Variants in PIEZO2 observed in about 807,000 individuals in gnomAD.
The protein encoded by PIEZO2 is piezo-type mechanosensitive ion channel component 2.
In PIEZO2, 172 loss-of-function variants were observed where a neutral mutation model predicts 337.3. The observed-to-expected ratio is 0.51, with a 90% CI of 0.45 to 0.58. PIEZO2 has a LOEUF of 0.58. PIEZO2 is among the 20% of genes least tolerant of loss of function. The pLI, the probability that PIEZO2 is intolerant of heterozygous loss-of-function variation, is 0.00. For missense variants in PIEZO2, 3,028 were observed against 3,391.3 expected (o/e 0.89, Z 2.66); for synonymous variants, 1,251 against 1,228.5 (o/e 1.02, Z -0.38).
intron 3 of PIEZO2, among the ~76,000 whole-genome samples, chr18:10,937,951 G>A (rs753349986): frequency 6.6e-5 from 10 of 152,202 alleles, no homozygotes; most frequent in Non-Finnish European, 1.3e-4. Flanking sequence ...TTCAGAGAAC[G>A]GAGTAGAGAT....
chr18:11,065,549 G>A (rs868120033), intron 2 of PIEZO2, among the ~76,000 whole-genome samples: 1 of 152,180 alleles, frequency 6.6e-6, no homozygotes, highest in African/African-American at 2.4e-5. Context: ...TTCTTATAGA[G>A]TAACCAGAAT....
rs1251238740 is a variant in PIEZO2, at chr18:11,099,098, C to G, written c.65-32876G>C. Among the ~76,000 whole-genome samples the G allele has an allele frequency of 6.6e-6, 1 of 152,076 alleles. No individual in the cohort carries two copies. Among genetic ancestry groups the G allele is most frequent in the Non-Finnish European group, 1.5e-5 (1 of 68,012 alleles). ...GGATTACAGGCATCAGCCACTGCAC[C>G]TGGCCTTTTAAAAAGACTGCAGATT... On this transcript the variant is annotated intron_variant, in intron 1 of 55. Coordinates refer to ENST00000674853, the MANE Select transcript of PIEZO2 (RefSeq NM_001378183.1). This position sits in a 1 kb window ranked among gnomAD's most constrained non-coding sequence, Gnocchi z 5.4.
rs886125617 is a variant in PIEZO2 at position 10,741,018 on chromosome 18, C to T, written c.4708+13G>A. ...AGAGTCGATGAGGTTGTAAGGGGATCGAGAAAACCTACTGGAAGCATGATC... is the reference window on the plus strand; with the variant it reads ...AGAGTCGATGAGGTTGTAAGGGGATTGAGAAAACCTACTGGAAGCATGATC... On this transcript the variant is annotated intron_variant, in intron 33 of 55. Coordinates refer to ENST00000674853, the MANE Select transcript of PIEZO2 (RefSeq NM_001378183.1). 6 of 1,535,630 alleles carry T rather than the reference C, an allele frequency of 3.9e-6. No homozygotes were observed. Among genetic ancestry groups the T allele is most frequent in the East Asian group, 4.9e-5 (2 of 40,900 alleles).
chr18:10,903,047 C>T lies in PIEZO2; in HGVS notation c.329+8139G>A, dbSNP rs1484440735. 6.6e-6 allele frequency among the ~76,000 whole-genome samples: 1 copy of T among 152,160 alleles called. No individual in the cohort carries two copies. Among genetic ancestry groups the T allele is most frequent in the Non-Finnish European group, 1.5e-5 (1 of 68,030 alleles). On this transcript the variant is annotated intron_variant, in intron 4 of 55. Coordinates refer to ENST00000674853, the MANE Select transcript of PIEZO2 (RefSeq NM_001378183.1). The surrounding 1 kb of genome is among the most constrained non-coding windows in gnomAD (Gnocchi z 4.1). ...GCCTTTCCAGGCTGCCCCGGGGAGA[C>T]AGCAGCTATGGGGAGGCACCAACCC...
At position 10,795,351 on chromosome 18, in the gene PIEZO2, A is replaced by T. The variant is rs1043088924; in HGVS notation, c.1528-349T>A. Among the ~76,000 whole-genome samples, 114 of 20,390 alleles carry T rather than the reference A, an allele frequency of 5.6e-3. No homozygotes were observed. Among genetic ancestry groups the T allele is most frequent in the Non-Finnish European group, 7.4e-3 (65 of 8,816 alleles). The allele number at this position is 20,390 out of a possible 152,430, so 13.4% of individuals were successfully genotyped here. A position where few individuals can be genotyped will look rare whatever the true frequency, so the allele number is the denominator to read the frequency against. On this transcript the variant is annotated intron_variant, in intron 12 of 55. Transcript: ENST00000674853. This position sits in a 1 kb window ranked among gnomAD's most constrained non-coding sequence, Gnocchi z 4.4. ...ATTTTATTTTATTTTATTTTATTTTATTATTTTATTTTATTTTATTTTATT... is the reference window on the plus strand; with the variant it reads ...ATTTTATTTTATTTTATTTTATTTTTTTATTTTATTTTATTTTATTTTATT...
intron 2 of PIEZO2, among the ~76,000 whole-genome samples, chr18:10,983,896 A>G (rs1326710560): frequency 6.6e-6 from 1 of 152,142 alleles, no homozygotes; most frequent in Non-Finnish European, 1.5e-5. Flanking sequence ...AGGGAATATA[A>G]ATTGAATGCT....
chr18:10,906,911 G>T (rs1300408068), intron 4 of PIEZO2, among the ~76,000 whole-genome samples: 1 of 152,040 alleles, frequency 6.6e-6, no homozygotes, highest in African/African-American at 2.4e-5. Flanking sequence ...GCCCATGGCC[G>T]TGTGGTGCCT....
chr18:10,771,171 G>GCTTA (rs1403233099), intron 20 of PIEZO2, among the ~76,000 whole-genome samples: 7 of 152,242 alleles, frequency 4.6e-5, no homozygotes, highest in Non-Finnish European at 1.0e-4. Context: ...CTTCGACAAG[G>GCTTA]CTTAACTGGT....
intron 16 of PIEZO2, among the ~76,000 whole-genome samples, chr18:10,786,535 A>G (rs777366040): frequency 2.6e-5 from 4 of 152,238 alleles, no homozygotes; most frequent in Non-Finnish European, 5.9e-5. Context: ...AGAAGTTTAC[A>G]GAAGAAAATT....
chr18:10,842,091 G>A (rs1043958245), intron 7 of PIEZO2, among the ~76,000 whole-genome samples: 2 of 150,832 alleles, frequency 1.3e-5, no homozygotes, highest in African/African-American at 4.9e-5. Context: ...GGAGGCTGCA[G>A]TGAGCCGAGA....
intron 2 of PIEZO2, among the ~76,000 whole-genome samples, chr18:11,058,668 G>T (rs111613401): frequency 3.3e-5 from 5 of 152,168 alleles, no homozygotes; most frequent in African/African-American, 1.2e-4. Flanking sequence ...TGGAAGAAAG[G>T]GTATCGGTGA....
chr18:11,123,943 A>G (rs1444689954), intron 1 of PIEZO2, among the ~76,000 whole-genome samples: 1 of 152,200 alleles, frequency 6.6e-6, no homozygotes, highest in Non-Finnish European at 1.5e-5. Flanking sequence ...TCTCACCACA[A>G]AGGAAAAGTA....
Position 10,773,590 on chromosome 18 carries a change from C to T in PIEZO2, c.2607G>A (p.Met869Ile). The T allele has an allele frequency of 1.3e-6, 2 of 1,537,346 alleles. No individual in the cohort carries two copies. Among genetic ancestry groups the T allele is most frequent in the South Asian group, 2.4e-5 (2 of 84,056 alleles). The change falls in exon 20 of 56, where the codon ATG (methionine) becomes ATA (isoleucine). Residue 869 changes from methionine (M) to isoleucine (I), a missense_variant. Met to Ile is a conservative substitution (Grantham distance 10). Coordinates refer to ENST00000674853, the MANE Select transcript of PIEZO2 (RefSeq NM_001378183.1). This position sits in a 1 kb window ranked among gnomAD's most constrained non-coding sequence, Gnocchi z 5.3. The part of the protein sequence containing the change: ...HPEGSLPDLT[M>I]MHLTASLEKP... ...TCTCCAGGCTGGCAGTCAGATGCATCATGGTGAGGTCCGGGAGGCTTCCTT... is the reference window on the plus strand; with the variant it reads ...TCTCCAGGCTGGCAGTCAGATGCATTATGGTGAGGTCCGGGAGGCTTCCTT...
chr18:10,907,526 C>T (rs2030065704), intron 4 of PIEZO2, among the ~76,000 whole-genome samples: 1 of 152,010 alleles, frequency 6.6e-6, no homozygotes, highest in Admixed American at 6.6e-5. Context: ...AATGACACAC[C>T]CCGTGGAGGC....
chr18:11,107,403 A>G (rs551167033), intron 1 of PIEZO2, among the ~76,000 whole-genome samples: 3 of 152,322 alleles, frequency 2.0e-5, no homozygotes, highest in Non-Finnish European at 4.4e-5. Flanking sequence ...AAATAAACAG[A>G]TAAAATTTAA....
Position 10,781,972 on chromosome 18 carries a change from T to C in PIEZO2, c.2493-1606A>G, listed in dbSNP as rs1355273797. On this transcript the variant is annotated intron_variant, in intron 17 of 55. Coordinates refer to ENST00000674853, the MANE Select transcript of PIEZO2 (RefSeq NM_001378183.1). The surrounding 1 kb of genome is among the most constrained non-coding windows in gnomAD (Gnocchi z 4.1). ...TTCCTTTTTCTTCATCATTTTGATT[T>C]TAATGTAGCCATTGTATTAGGACTC... Among the ~76,000 whole-genome samples, 1 of 151,728 alleles carries C rather than the reference T, an allele frequency of 6.6e-6. No individual in the cohort carries two copies. The highest frequency in any genetic ancestry group is 2.4e-5 in the African/African-American group (1 of 41,276).
intron 2 of PIEZO2, among the ~76,000 whole-genome samples, chr18:11,064,133 C>T (rs568960180): frequency 1.3e-5 from 2 of 152,110 alleles, no homozygotes; most frequent in Non-Finnish European, 2.9e-5. Flanking sequence ...CCAGGTTGGA[C>T]AAGCTTGGTC....
chr18:10,797,018 CCAT>C (rs1386161805), intron 12 of PIEZO2, among the ~76,000 whole-genome samples: 1 of 150,990 alleles, frequency 6.6e-6, no homozygotes, highest in Non-Finnish European at 1.5e-5. Context: ...AGCATACATA[CCAT>C]CATATCATAT....
chr18:10,751,960 G>A (rs1307317582), intron 28 of PIEZO2, among the ~76,000 whole-genome samples: 1 of 152,094 alleles, frequency 6.6e-6, no homozygotes, highest in African/African-American at 2.4e-5. Flanking sequence ...AGCTACTTAA[G>A]AGCAGAGCAG....
Sources: allele counts gnomAD v4.1 joint callset (sites outside exome capture counted in the v4.1 genomes callset), GRCh38; gene constraint gnomAD v4.1.1; non-coding constraint Gnocchi (gnomAD v3.1); transcripts MANE v1.5; gene names NCBI Gene and HGNC (gene_info 2026-07-23, HGNC 2026-07-21).